FMN1: variants seen among roughly 807,000 people sequenced by gnomAD.
The protein encoded by FMN1 is formin-1.
FMN1 carries 110 observed loss-of-function variants against 132.4 expected under a neutral mutation model. That is an observed-to-expected ratio of 0.83 (90% CI 0.71 to 0.97). The LOEUF is 0.97. Ranked by LOEUF, FMN1 falls within the 50% of genes least tolerant of loss-of-function variation. FMN1 has a pLI of 0.00. For missense variants in FMN1, 1,792 were observed against 1,705.3 expected (o/e 1.05, Z -0.90); for synonymous variants, 722 against 651.7 (o/e 1.11, Z -1.64).
intron 17 of FMN1, among the ~76,000 whole-genome samples, chr15:32,823,636 C>G (rs2058292339): frequency 6.6e-6 from 1 of 152,144 alleles, no homozygotes; most frequent in Non-Finnish European, 1.5e-5. Context: ...ATGTTTTGAG[C>G]ATTTTTAAAG....
chr15:32,929,765 CT>C (rs34841652), intron 9 of FMN1, among the ~76,000 whole-genome samples: 1,601 of 145,200 alleles, frequency 0.011, 26 homozygotes, highest in African/African-American at 0.034. Flanking sequence ...ACAAGATTTC[CT>C]TTTTTTTTTT....
intron 4 of FMN1, among the ~76,000 whole-genome samples, chr15:33,142,777 T>A (rs2444968): frequency 0.57 from 86,964 of 152,114 alleles, 25,789 homozygotes; most frequent in East Asian, 0.85. Context: ...GGCACCCAGC[T>A]GGTGAGCCTT....
chr15:33,138,641 A>G (rs36010988), intron 4 of FMN1, among the ~76,000 whole-genome samples: 11,110 of 152,124 alleles, frequency 0.073, 464 homozygotes, highest in African/African-American at 0.085. Flanking sequence ...TAAACCAGGT[A>G]CACAGCTTTG....
intron 9 of FMN1, among the ~76,000 whole-genome samples, chr15:32,953,247 A>AC (rs1434021771): frequency 6.6e-6 from 1 of 152,210 alleles, no homozygotes; most frequent in African/African-American, 2.4e-5. Flanking sequence ...GGCCTCGCTG[A>AC]CCCATAACAT....
chr15:32,809,621 C>T (rs1441546699), intron 17 of FMN1, among the ~76,000 whole-genome samples: 2 of 152,114 alleles, frequency 1.3e-5, no homozygotes, highest in African/African-American at 2.4e-5. Flanking sequence ...CCTTGCCCTT[C>T]TCCCTTCTCC....
rs1267502675 is a variant in FMN1, at chr15:32,962,576, T to C, written c.3138+1531A>G. 4.0e-5 allele frequency among the ~76,000 whole-genome samples: 6 copies of C among 150,424 alleles called. No individual in the cohort carries two copies. In the East Asian group the frequency reaches 1.2e-3, roughly 29 times the overall value. On this transcript the variant is annotated intron_variant, in intron 9 of 20. Transcript: ENST00000616417. ...AGGCAACCTACAAAATGGGAGAAAA[T>C]TTTTGCAACCTACTCATCTGACAAA...
At chr15:32,882,693 AGT>A (rs1248233827) in intron 16 of FMN1, among the ~76,000 whole-genome samples, 2 of 152,252 alleles carry the variant, frequency 1.3e-5, no homozygotes, top group African/African-American at 2.4e-5. Context: ...AAAATTTTTT[AGT>A]GTAAGTGTGT....
At chr15:32,960,579 G>C (rs1483328257) in intron 9 of FMN1, among the ~76,000 whole-genome samples, 2 of 152,150 alleles carry the variant, frequency 1.3e-5, no homozygotes, top group Non-Finnish European at 2.9e-5. Context: ...GGGAAAATCT[G>C]ATTTGATTAA....
chr15:33,080,723 C>G (rs1019884456), intron 5 of FMN1, among the ~76,000 whole-genome samples: 9 of 151,952 alleles, frequency 5.9e-5, no homozygotes, highest in Non-Finnish European at 1.0e-4. Context: ...CCCGTCTCTA[C>G]TAGTAATACT....
intron 6 of FMN1, among the ~76,000 whole-genome samples, chr15:33,058,215 G>C (rs1052696137): frequency 6.6e-6 from 1 of 152,126 alleles, no homozygotes; most frequent in African/African-American, 2.4e-5. Context: ...GAGATTTGCA[G>C]AACAGAAGAA....
chr15:32,964,330 C>G (rs1447987339), intron 8 of FMN1, 73 bp from the exon 9 acceptor site: 1 of 1,053,854 alleles, frequency 9.5e-7, no homozygotes, highest in Non-Finnish European at 1.4e-6. Flanking sequence ...AAATCTTTCT[C>G]TAATCCATTT....
At chr15:33,134,213 A>G (rs1963665769) in intron 4 of FMN1, among the ~76,000 whole-genome samples, 1 of 152,144 alleles carries the variant, frequency 6.6e-6, no homozygotes, top group African/African-American at 2.4e-5. Flanking sequence ...CCTCTTAAAG[A>G]GCTGGGATTA....
chr15:32,947,239 A>G (rs2061529698), intron 9 of FMN1, among the ~76,000 whole-genome samples: 1 of 152,012 alleles, frequency 6.6e-6, no homozygotes, highest in African/African-American at 2.4e-5. Flanking sequence ...TTTGCCATAT[A>G]TATTCAATTT....
Position 32,902,040 on chromosome 15 carries a change from T to C in FMN1, c.3378A>G (p.Gln1126=). The part of the protein sequence containing the change: ...EELKLLDKPE[Q]FLHELAQIPN... ...GAATCTGGGCTAACTCATGTAAAAATCTGTAAAAAAGAAAATGTGTCATCT... is the reference window on the plus strand; with the variant it reads ...GAATCTGGGCTAACTCATGTAAAAACCTGTAAAAAAGAAAATGTGTCATCT... Residue 1126 remains glutamine (Q), a splice_region_variant and synonymous_variant, in exon 13 of 21, where the codon CAA becomes CAG. Transcript: ENST00000616417. 1 of 1,604,334 alleles carries C rather than the reference T, an allele frequency of 6.2e-7. No individual in the cohort carries two copies. Among genetic ancestry groups the C allele is most frequent in the Non-Finnish European group, 8.5e-7 (1 of 1,177,074 alleles).
chr15:33,010,720 T>C (rs1425164683), intron 6 of FMN1, among the ~76,000 whole-genome samples: 2 of 152,112 alleles, frequency 1.3e-5, no homozygotes, highest in Non-Finnish European at 2.9e-5. Context: ...TATGCATGTT[T>C]AGCAGAGTTG....
chr15:32,903,790 G>C (rs982431006), intron 12 of FMN1, among the ~76,000 whole-genome samples: 1 of 151,960 alleles, frequency 6.6e-6, no homozygotes, highest in Non-Finnish European at 1.5e-5. Context: ...TGTTACGCAA[G>C]AAAGGGTAGG....
rs144024038 is a variant in FMN1 at position 32,985,996 on chromosome 15, TGA to T, written c.2224-16521_2224-16520del. Among the ~76,000 whole-genome samples the T allele has an allele frequency of 3.7e-3, 562 of 152,208 alleles. 3 individuals are homozygous for T. Among genetic ancestry groups the T allele is most frequent in the African/African-American group, 0.013 (533 of 41,542 alleles). On this transcript the variant is annotated intron_variant, in intron 7 of 20. Transcript: ENST00000616417. Reference sequence around the variant, plus strand: ...CCAAATGTTAGGAGTTATTTTTCACTGAGAGACAACAAGATGATGGGAAGAGG... The same window carrying T: ...CCAAATGTTAGGAGTTATTTTTCACTGAGACAACAAGATGATGGGAAGAGG...
intron 17 of FMN1, among the ~76,000 whole-genome samples, chr15:32,849,495 A>C (rs1259047746): frequency 1.3e-5 from 2 of 152,286 alleles, no homozygotes; most frequent in East Asian, 3.9e-4. Context: ...TTAGTATTCC[A>C]ATGTATGGAA....
intron 9 of FMN1, among the ~76,000 whole-genome samples, chr15:32,938,326 C>T (rs1596311514): frequency 6.6e-6 from 1 of 151,918 alleles, no homozygotes; most frequent in Non-Finnish European, 1.5e-5. Context: ...GCCAGGAGTT[C>T]GGGACCAGCC....
Sources: allele counts gnomAD v4.1 joint callset (sites outside exome capture counted in the v4.1 genomes callset), GRCh38; gene constraint gnomAD v4.1.1; transcripts MANE v1.5; gene names NCBI Gene and HGNC (gene_info 2026-07-23, HGNC 2026-07-21).